The following COPA variants were observed in gnomAD, a reference collection of about 807,000 sequenced individuals.
The protein encoded by COPA is coatomer subunit alpha.
A neutral mutation model predicts 158.7 loss-of-function variants in COPA; 10 were observed. That is an observed-to-expected ratio of 0.06 (90% confidence interval 0.04 to 0.11). COPA has a LOEUF of 0.11. Among genes scored for constraint, COPA ranks in the 10% least tolerant of loss-of-function variants. COPA has a pLI of 1.00. For synonymous variants in COPA, 462 were observed against 542.8 expected (o/e 0.85, Z 2.07); for missense variants, 1,065 against 1,536.7 (o/e 0.69, Z 5.13).
In COPA at chr1:160,335,233, A is replaced by G. The variant is rs1285010393; in HGVS notation, c.309+9T>C. 1.2e-6 allele frequency: 2 copies of G among 1,604,078 alleles called. No homozygotes were observed. Among genetic ancestry groups the G allele is most frequent in the Non-Finnish European group, 1.7e-6 (2 of 1,175,054 alleles). On this transcript the variant is annotated intron_variant, in intron 4 of 32. Coordinates refer to ENST00000241704, the MANE Select transcript of COPA (RefSeq NM_004371.4). ...ATGCTCCAAAACTAGCGCCACCATG[A>G]CTACTTACATGATGAAAAAACGTGG...
intron 17 of COPA, among the ~76,000 whole-genome samples, chr1:160,301,438 G>A (rs1481742404): frequency 2.6e-5 from 4 of 152,116 alleles, no homozygotes; most frequent in Non-Finnish European, 5.9e-5. Context: ...TGTCAAGTAA[G>A]GGACACTCAA....
chr1:160,311,105 A>C (rs1222598816), intron 11 of COPA, among the ~76,000 whole-genome samples: 1 of 151,914 alleles, frequency 6.6e-6, no homozygotes, highest in South Asian at 2.1e-4. Flanking sequence ...TCTAATGGGG[A>C]TTCCATCTGT....
intron 6 of COPA, among the ~76,000 whole-genome samples, chr1:160,329,830 C>A (rs374164174): frequency 6.6e-6 from 1 of 152,102 alleles, no homozygotes; most frequent in Non-Finnish European, 1.5e-5. Flanking sequence ...GAATAATTGC[C>A]GGCCAGGGGC....
chr1:160,306,961 C>A (rs1158714001), intron 14 of COPA, among the ~76,000 whole-genome samples: 1 of 152,150 alleles, frequency 6.6e-6, no homozygotes, highest in Non-Finnish European at 1.5e-5. Context: ...AGAGCCACGG[C>A]GATCATCAAC....
rs149802921 is a variant in COPA, at chr1:160,303,160, C to G, written c.1667+2273G>C. On this transcript the variant is annotated intron_variant, in intron 17 of 32. Transcript: ENST00000241704. ...GTTGCAGTGAGCCAAGATTACGCCA[C>G]TGTACTCCAGCCTGGGCAACAGAGT... is the stretch of plus-strand genomic sequence containing the variant. Among the ~76,000 whole-genome samples the G allele has an allele frequency of 5.6e-4, 86 of 152,270 alleles. 1 individual carries two copies. Among genetic ancestry groups the G allele is most frequent in the African/African-American group, 2.0e-3 (82 of 41,546 alleles).
chr1:160,292,273 A>G (rs1658265407), intron 28 of COPA, 75 bp from the exon 29 acceptor site: 1 of 1,568,476 alleles, frequency 6.4e-7, no homozygotes, highest in Non-Finnish European at 8.7e-7. Flanking sequence ...TCTGGCAAAC[A>G]TCCTCATAGC....
chr1:160,303,722 T>C (rs182327573), intron 17 of COPA, among the ~76,000 whole-genome samples: 1 of 152,216 alleles, frequency 6.6e-6, no homozygotes, highest in East Asian at 1.9e-4. Flanking sequence ...CATTAAAGGA[T>C]ACCATAAAGA....
At chr1:160,333,965 A>ATATG (rs1647650386) in intron 4 of COPA, among the ~76,000 whole-genome samples, 1 of 150,984 alleles carries the variant, frequency 6.6e-6, no homozygotes. Flanking sequence ...TTACTTCTAT[A>ATATG]TGTGTGTGTG....
At position 160,291,323 on chromosome 1, in the gene COPA, A is replaced by G. The variant is rs754968638; in HGVS notation, c.3420+12T>C. On this transcript the variant is annotated intron_variant, in intron 31 of 32. Coordinates refer to ENST00000241704, the MANE Select transcript of COPA (RefSeq NM_004371.4). ...CTGGCTTCCCTATGGTCACTGAAGG[A>G]GTTCCATCTACCTGTTGGGCCACCT... 5.0e-6 allele frequency: 8 copies of G among 1,612,964 alleles called. No homozygotes were observed. In the Admixed American group the frequency reaches 1.2e-4, roughly 24 times the overall value.
rs1658765823 is a variant in COPA, at chr1:160,305,769, G to C, written c.1447C>G (p.Leu483Val). 6.2e-7 allele frequency: 1 copy of C among 1,613,358 alleles called. No homozygotes were observed. Among genetic ancestry groups the C allele is most frequent in the Non-Finnish European group, 8.5e-7 (1 of 1,179,570 alleles). Reference sequence around the variant, plus strand: ...ACTTTAGAAATCTTCACAGATGCCAGAGTCCTGAGATAGATAGAGATGTGC... The same window carrying C: ...ACTTTAGAAATCTTCACAGATGCCACAGTCCTGAGATAGATAGAGATGTGC... ...TLFDVQQKRTLASVKISKVKY... is the reference protein window; with the variant it reads ...TLFDVQQKRTVASVKISKVKY... The change falls in exon 16 of 33, where the codon CTG becomes GTG. Residue 483 changes from leucine to valine, a missense_variant. Transcript: ENST00000241704.
chr1:160,305,784 T>C lies in COPA; in HGVS notation c.1443-11A>G, dbSNP rs199916081. The C allele has an allele frequency of 3.6e-4, 576 of 1,607,238 alleles. No individual in the cohort carries two copies. In the Middle Eastern group the frequency reaches 8.7e-3, roughly 24 times the overall value. On this transcript the variant is annotated splice_polypyrimidine_tract_variant and intron_variant, in intron 15 of 32. Coordinates refer to ENST00000241704, the MANE Select transcript of COPA (RefSeq NM_004371.4). ...ACAGATGCCAGAGTCCTGAGATAGA[T>C]AGAGATGTGCAAACATGAATGGATC...
chr1:160,303,707 CTG>C (rs1658690926), intron 17 of COPA, among the ~76,000 whole-genome samples: 1 of 152,098 alleles, frequency 6.6e-6, no homozygotes, highest in African/African-American at 2.4e-5. Flanking sequence ...GAAATTAAGA[CTG>C]TTCATTAAAG....
intron 8 of COPA, among the ~76,000 whole-genome samples, chr1:160,322,120 T>C (rs956298468): frequency 6.6e-6 from 1 of 152,084 alleles, no homozygotes; most frequent in Admixed American, 6.5e-5. Context: ...TCCTAAAATT[T>C]ATATGGCAGC....
intron 23 of COPA, 116 bp from the exon 24 acceptor site, chr1:160,294,973 A>G (rs1658354065): frequency 1.3e-6 from 1 of 748,184 alleles, no homozygotes; most frequent in African/African-American, 1.8e-5. Flanking sequence ...CTGCCTACTT[A>G]CTATTTATTT....
chr1:160,301,112 A>T (rs1658585229), intron 17 of COPA, among the ~76,000 whole-genome samples: 1 of 152,006 alleles, frequency 6.6e-6, no homozygotes, highest in Admixed American at 6.6e-5. Flanking sequence ...AGCTGAGGTC[A>T]TGCCACTGTA....
chr1:160,295,375 G>A (rs752025861), intron 23 of COPA, among the ~76,000 whole-genome samples: 8 of 152,124 alleles, frequency 5.3e-5, no homozygotes, highest in Non-Finnish European at 1.2e-4. Flanking sequence ...CCCACATACC[G>A]GAATTACAGG....
chr1:160,294,451 A>G, intron 25 of COPA, 33 bp downstream of exon 25: 1 of 1,588,360 alleles, frequency 6.3e-7, no homozygotes, highest in East Asian at 2.2e-5. Flanking sequence ...GGAGATACGG[A>G]GAGAACCTTC....
intron 27 of COPA, among the ~76,000 whole-genome samples, chr1:160,292,904 T>C (rs1658287413): frequency 6.6e-6 from 1 of 152,148 alleles, no homozygotes. Flanking sequence ...TGGAAAGGGG[T>C]ACTTATCTCA....
chr1:160,325,385 T>C (rs543880057), intron 7 of COPA, among the ~76,000 whole-genome samples, 158 bp downstream of exon 7: 1 of 152,346 alleles, frequency 6.6e-6, no homozygotes, highest in South Asian at 2.1e-4. Context: ...ATTTCTCTGT[T>C]GGTTCACGCA....
Sources: gnomAD v4.1 joint callset for allele counts (sites outside exome capture counted in the v4.1 genomes callset) on GRCh38, gnomAD v4.1.1 for gene constraint, MANE v1.5 for transcripts, NCBI Gene and HGNC (gene_info 2026-07-23, HGNC 2026-07-21) for gene names.